KRABD1: variants seen among roughly 807,000 people sequenced by gnomAD.
The protein encoded by KRABD1 is KRAB domain-containing protein 1.
At chr3:42,938,866 C>G in the KRABD1 span, 2 of 1,514,372 alleles carry the variant, frequency 1.3e-6, no homozygotes, top group Non-Finnish European at 1.8e-6. Context: ...AGACTTTTAC[C>G]TTTACCCAGA....
the KRABD1 span, chr3:42,942,130 C>T: frequency 5.1e-6 from 6 of 1,170,410 alleles, no homozygotes; most frequent in Non-Finnish European, 7.4e-6. Flanking sequence ...TTCATTTCAT[C>T]AAAATGAAAG....
chr3:42,941,832 C>T, the KRABD1 span: 6 of 647,908 alleles, frequency 9.3e-6, no homozygotes, highest in Non-Finnish European at 1.4e-5. Flanking sequence ...CTTTAGGGTA[C>T]CTCTCGTATA....
the KRABD1 span, chr3:42,941,420 C>T: frequency 6.9e-7 from 1 of 1,453,460 alleles, no homozygotes; most frequent in Non-Finnish European, 9.1e-7. Context: ...TAATTATTAG[C>T]TGACCCCAAA....
At chr3:42,941,243 G>A in the KRABD1 span, 1 of 1,566,892 alleles carries the variant, frequency 6.4e-7, no homozygotes, top group Middle Eastern at 1.7e-4. Flanking sequence ...TGGCTTTTGA[G>A]GACGTGGCTG....
At chr3:42,936,527 C>T in the KRABD1 span, 41 of 152,358 alleles carry the variant, frequency 2.7e-4, no homozygotes, top group African/African-American at 9.1e-4. Flanking sequence ...TACTGGGGTC[C>T]TCATGCCGAT....
the KRABD1 span, among the ~76,000 whole-genome samples, chr3:42,940,014 T>A: frequency 6.6e-6 from 1 of 152,220 alleles, no homozygotes; most frequent in Non-Finnish European, 1.5e-5. Context: ...TTACTTTCAA[T>A]GAAGTCCAGT....
the KRABD1 span, among the ~76,000 whole-genome samples, chr3:42,941,785 A>G: frequency 6.6e-6 from 1 of 152,054 alleles, no homozygotes; most frequent in South Asian, 2.1e-4. Context: ...TGGAAGAACC[A>G]TCCTGACTCT....
the KRABD1 span, chr3:42,942,162 C>T: frequency 1.2e-6 from 1 of 866,024 alleles, no homozygotes; most frequent in Non-Finnish European, 1.9e-6. Flanking sequence ...CTGTGCCCAG[C>T]ATCATGGAGT....
chr3:42,941,784 C>T, the KRABD1 span, among the ~76,000 whole-genome samples: 2 of 152,016 alleles, frequency 1.3e-5, no homozygotes, highest in Non-Finnish European at 2.9e-5. Context: ...TTGGAAGAAC[C>T]ATCCTGACTC....
the KRABD1 span, chr3:42,938,873 C>T: frequency 3.5e-5 from 53 of 1,522,260 alleles, no homozygotes; most frequent in Non-Finnish European, 4.5e-5. Flanking sequence ...TACCTTTACC[C>T]AGAAAGGAAT....
At chr3:42,939,686 T>TA in the KRABD1 span, among the ~76,000 whole-genome samples, 23 of 152,190 alleles carry the variant, frequency 1.5e-4, no homozygotes, top group African/African-American at 5.3e-4. Flanking sequence ...GTCAGCCGTG[T>TA]ACAGTTGCTC....
At chr3:42,941,017 C>T in the KRABD1 span, among the ~76,000 whole-genome samples, 1 of 152,214 alleles carries the variant, frequency 6.6e-6, no homozygotes, top group Non-Finnish European at 1.5e-5. Context: ...TTGTTTCTCA[C>T]TGGGAAAATA....
the KRABD1 span, among the ~76,000 whole-genome samples, chr3:42,939,156 C>CA: frequency 6.6e-6 from 1 of 152,026 alleles, no homozygotes; most frequent in South Asian, 2.1e-4. Context: ...ACTTGTATGA[C>CA]CTCACTCATA....
the KRABD1 span, chr3:42,942,705 A>T: frequency 1.8e-6 from 1 of 551,210 alleles, no homozygotes; most frequent in Non-Finnish European, 3.1e-6. Context: ...AGCCACCTTA[A>T]ACGATGTCAA....
chr3:42,941,213 C>T, the KRABD1 span: 2 of 1,545,072 alleles, frequency 1.3e-6, no homozygotes, highest in East Asian at 2.4e-5. Context: ...AAAGTAGGAA[C>T]TTGTCGTTTC....
the KRABD1 span, among the ~76,000 whole-genome samples, chr3:42,940,381 A>G: frequency 7.9e-5 from 12 of 152,336 alleles, no homozygotes; most frequent in South Asian, 1.0e-3. Context: ...GGTGAGTTAC[A>G]TGGAATTTTG....
chr3:42,941,303 CT>C, the KRABD1 span: 1 of 1,599,866 alleles, frequency 6.3e-7, no homozygotes. Context: ...CCGAGAGGGC[CT>C]TGTACAGGGA....
chr3:42,938,808 A>G, the KRABD1 span: 1 of 931,914 alleles, frequency 1.1e-6, no homozygotes, highest in Admixed American at 2.1e-5. Flanking sequence ...ACTTATGGTC[A>G]ATAAAGTTAT....
chr3:42,939,424 T>C, the KRABD1 span, among the ~76,000 whole-genome samples: 1 of 152,214 alleles, frequency 6.6e-6, no homozygotes, highest in South Asian at 2.1e-4. Context: ...CACTACTGAG[T>C]AGTTTTTCAT....
Sources: allele counts gnomAD v4.1 joint callset (sites outside exome capture counted in the v4.1 genomes callset), GRCh38; gene constraint gnomAD v4.1.1; transcripts MANE v1.5; gene names NCBI Gene and HGNC (gene_info 2026-07-23, HGNC 2026-07-21).